The following EYA1 variants were observed in gnomAD, a reference collection of about 807,000 sequenced individuals.
The protein encoded by EYA1 is protein phosphatase EYA1.
A neutral mutation model predicts 82.0 loss-of-function variants in EYA1; 16 were observed. The observed-to-expected ratio is 0.20, with a 90% CI of 0.13 to 0.30. The LOEUF (loss-of-function observed/expected upper bound fraction) is 0.30. EYA1 is among the 10% of genes least tolerant of loss of function. The pLI is 1.00. For missense variants in EYA1, 633 were observed against 730.7 expected (o/e 0.87, Z 1.54); for synonymous variants, 261 against 264.4 (o/e 0.99, Z 0.12).
At chr8:71,364,696 C>G (rs1827636076), upstream of EYA1, among the ~76,000 whole-genome samples, 1 of 151,244 alleles carries the variant, frequency 6.6e-6, no homozygotes. Flanking sequence ...GCTTTTTCCT[C>G]AATAAAAAAT....
intron 7 of EYA1, among the ~76,000 whole-genome samples, chr8:71,316,075 T>C (rs1304551374): frequency 6.6e-6 from 1 of 152,120 alleles, no homozygotes; most frequent in Admixed American, 6.5e-5. Context: ...AAGATAAAGA[T>C]GACAACCACT....
chr8:71,314,379 A>G (rs1175311685), intron 7 of EYA1, among the ~76,000 whole-genome samples: 1 of 152,180 alleles, frequency 6.6e-6, no homozygotes, highest in East Asian at 1.9e-4. Flanking sequence ...AGCAAATTAT[A>G]TAGCATTATC....
chr8:71,259,376 A>C (rs904188372), intron 11 of EYA1, among the ~76,000 whole-genome samples: 3 of 152,182 alleles, frequency 2.0e-5, no homozygotes, highest in African/African-American at 7.2e-5. Flanking sequence ...GTCATTTACC[A>C]GTTCAGTGAG....
upstream of EYA1, among the ~76,000 whole-genome samples, chr8:71,363,071 C>T (rs1452548075): frequency 6.6e-6 from 1 of 152,030 alleles, no homozygotes; most frequent in East Asian, 1.9e-4. Context: ...TCTTTAAGCC[C>T]ATCGGATTTT....
At chr8:71,433,434 C>T (rs894685370) in intron 2 of EYA1, among the ~76,000 whole-genome samples, 6 of 152,226 alleles carry the variant, frequency 3.9e-5, no homozygotes, top group South Asian at 4.1e-4. Context: ...ACAGAGCTTA[C>T]GTTCAGAAGA....
At chr8:71,463,093 C>T (rs12675477) in intron 2 of EYA1, among the ~76,000 whole-genome samples, 34,041 of 152,186 alleles carry the variant, frequency 0.22, 4,259 homozygotes, top group South Asian at 0.39. Flanking sequence ...ATATTGTAGA[C>T]TCTTTTGTGT....
chr8:71,297,387 C>T (rs2128996933), intron 9 of EYA1, among the ~76,000 whole-genome samples: 1 of 152,008 alleles, frequency 6.6e-6, no homozygotes, highest in Admixed American at 6.5e-5. Context: ...CTCTAATCAA[C>T]CTTAATTTAA....
At chr8:71,460,360 A>G (rs1300647342) in intron 2 of EYA1, among the ~76,000 whole-genome samples, 1 of 152,200 alleles carries the variant, frequency 6.6e-6, no homozygotes, top group Non-Finnish European at 1.5e-5. Flanking sequence ...AGATGATTCG[A>G]ATGTGCAGCC....
intron 11 of EYA1, among the ~76,000 whole-genome samples, chr8:71,262,870 C>T (rs1250842252): frequency 6.6e-6 from 1 of 152,172 alleles, no homozygotes; most frequent in Non-Finnish European, 1.5e-5. Context: ...TGTCACTCTA[C>T]AGCATAAAGA....
chr8:71,427,163 A>T (rs1216540541), intron 2 of EYA1, among the ~76,000 whole-genome samples: 1 of 152,192 alleles, frequency 6.6e-6, no homozygotes. Context: ...CTCTTGAAAC[A>T]TCGCAATTTT....
At chr8:71,329,108 A>C (rs1440021582) in intron 4 of EYA1, among the ~76,000 whole-genome samples, 4 of 152,148 alleles carry the variant, frequency 2.6e-5, no homozygotes, top group Admixed American at 6.5e-5. Flanking sequence ...CTAACTACAG[A>C]GGCATGTGGT....
chr8:71,532,503 ATTG>A (rs1814371669), intron 2 of EYA1, among the ~76,000 whole-genome samples: 1 of 152,226 alleles, frequency 6.6e-6, no homozygotes, highest in Admixed American at 6.5e-5. Flanking sequence ...TTGAGAAAGA[ATTG>A]TTGTTTACAA....
In EYA1 at chr8:71,277,630, T is replaced by C. The variant is rs543656329; in HGVS notation, c.827-5733A>G. On this transcript the variant is annotated intron_variant, in intron 9 of 17. Transcript: ENST00000340726. ...TTTTTGCAATTATTTGCATTTGTGG[T>C]GGATAATAAATAATTTGATGAAATT... Among the ~76,000 whole-genome samples, 153 of 152,332 alleles carry C rather than the reference T, an allele frequency of 1.0e-3. 1 individual carries two copies. The highest frequency in any genetic ancestry group is 3.4e-3 in the Middle Eastern group (1 of 294).
chr8:71,440,187 T>C (rs1426688197), intron 2 of EYA1, among the ~76,000 whole-genome samples: 3 of 151,914 alleles, frequency 2.0e-5, no homozygotes, highest in Non-Finnish European at 4.4e-5. Context: ...CTGGCTGGAG[T>C]CAGAAGATTT....
chr8:71,268,676 T>G (rs191159577), intron 11 of EYA1, among the ~76,000 whole-genome samples: 1 of 152,340 alleles, frequency 6.6e-6, no homozygotes, highest in Admixed American at 6.5e-5. Flanking sequence ...GGTGGGATAT[T>G]ATTGCTTCAG....
At chr8:71,340,218 G>A (rs2129052654) in intron 3 of EYA1, among the ~76,000 whole-genome samples, 1 of 152,148 alleles carries the variant, frequency 6.6e-6, no homozygotes, top group African/African-American at 2.4e-5. Context: ...ATGTATTTAA[G>A]GTCCCCCCAT....
intron 9 of EYA1, among the ~76,000 whole-genome samples, chr8:71,291,891 T>C (rs1371758941): frequency 6.6e-6 from 1 of 152,158 alleles, no homozygotes; most frequent in African/African-American, 2.4e-5. Flanking sequence ...TGTGTTCGAC[T>C]GTATTTTATT....
At chr8:71,461,330 G>A (rs1171490348) in intron 2 of EYA1, among the ~76,000 whole-genome samples, 1 of 152,140 alleles carries the variant, frequency 6.6e-6, no homozygotes, top group African/African-American at 2.4e-5. Context: ...TCTGAACATT[G>A]CACAGTCAAA....
At chr8:71,524,899 G>T (rs1364174689) in intron 2 of EYA1, among the ~76,000 whole-genome samples, 1 of 152,274 alleles carries the variant, frequency 6.6e-6, no homozygotes, top group East Asian at 1.9e-4. Flanking sequence ...AACTGTTAAG[G>T]AGGACACAGG....
Sources: allele counts gnomAD v4.1 joint callset (sites outside exome capture counted in the v4.1 genomes callset), GRCh38; gene constraint gnomAD v4.1.1; transcripts MANE v1.5; gene names NCBI Gene and HGNC (gene_info 2026-07-23, HGNC 2026-07-21).